The following GPC6 variants were observed in gnomAD, a reference collection of about 807,000 sequenced individuals.
GPC6 encodes the protein glypican-6.
Under a neutral mutation model 55.2 loss-of-function variants are expected in GPC6, and 14 were observed. The observed-to-expected ratio is 0.25, with a 90% CI of 0.17 to 0.40. The LOEUF (loss-of-function observed/expected upper bound fraction) is 0.40, where lower values mean the gene tolerates loss of function less well. GPC6 is among the 10% of genes least tolerant of loss of function. GPC6 has a pLI of 1.00. For synonymous variants in GPC6, 278 were observed against 259.6 expected (o/e 1.07, Z -0.68); for missense variants, 641 against 708.5 (o/e 0.90, Z 1.08).
intron 1 of GPC6, among the ~76,000 whole-genome samples, chr13:93,419,222 T>C (rs905947691): frequency 1.3e-5 from 2 of 151,624 alleles, no homozygotes; most frequent in Non-Finnish European, 2.9e-5. Context: ...AAAATGGGAC[T>C]ATAAGAATAA....
In GPC6 at chr13:93,861,342, A is replaced by G. The variant is rs77116260; in HGVS notation, c.711+30797A>G. Among the ~76,000 whole-genome samples, 608 of 151,614 alleles carry G rather than the reference A, an allele frequency of 4.0e-3. 4 individuals carry two copies. Among genetic ancestry groups the G allele is most frequent in the African/African-American group, 0.014 (561 of 41,442 alleles). ...AGACATTCATTTCAAAATGCAGACA[A>G]AAGTATGTATAATTTTGGACAGTGT... On this transcript the variant is annotated intron_variant, in intron 3 of 8. Coordinates refer to ENST00000377047, the MANE Select transcript of GPC6 (RefSeq NM_005708.5).
At chr13:93,770,157 C>T in intron 2 of GPC6, among the ~76,000 whole-genome samples, 1 of 152,056 alleles carries the variant, frequency 6.6e-6, no homozygotes, top group Non-Finnish European at 1.5e-5. Flanking sequence ...CATACAACCC[C>T]CACTTTTATG....
At chr13:93,954,266 A>T (rs1879395899) in intron 3 of GPC6, among the ~76,000 whole-genome samples, 1 of 152,220 alleles carries the variant, frequency 6.6e-6, no homozygotes, top group Admixed American at 6.5e-5. Flanking sequence ...AAGTGTATAT[A>T]TATTATAAAA....
intron 3 of GPC6, among the ~76,000 whole-genome samples, chr13:93,845,030 C>A (rs1888117834): frequency 6.6e-6 from 1 of 151,916 alleles, no homozygotes; most frequent in Non-Finnish European, 1.5e-5. Context: ...CAGTACCATG[C>A]TGTTTTGGTT....
intron 1 of GPC6, among the ~76,000 whole-genome samples, chr13:93,526,891 A>G (rs573627401): frequency 2.6e-5 from 4 of 152,254 alleles, no homozygotes; most frequent in African/African-American, 4.8e-5. Flanking sequence ...TTCCAGCAGT[A>G]TCATAGGATG....
chr13:94,031,016 G>A (rs1379743457), intron 4 of GPC6, among the ~76,000 whole-genome samples: 1 of 152,020 alleles, frequency 6.6e-6, no homozygotes, highest in Non-Finnish European at 1.5e-5. Flanking sequence ...GGGTGTGTGT[G>A]CGTGTGTGCA....
chr13:93,729,886 C>T lies in GPC6; in HGVS notation c.320-100268C>T, dbSNP rs979751789. ...ATGCAAGAAGAGAAAAAAATGGATA[C>T]ATCTCATAAACAATGGCAAATACAA... is the stretch of plus-strand genomic sequence containing the variant. On this transcript the variant is annotated intron_variant, in intron 2 of 8. Transcript: ENST00000377047. 2.6e-5 allele frequency among the ~76,000 whole-genome samples: 4 copies of T among 152,248 alleles called. No homozygotes were observed. The South Asian group carries it at 8.3e-4, about 32-fold the overall frequency.
intron 2 of GPC6, among the ~76,000 whole-genome samples, chr13:93,824,672 A>G (rs1190682049): frequency 6.6e-6 from 1 of 152,076 alleles, no homozygotes; most frequent in East Asian, 1.9e-4. Flanking sequence ...ATGAATATTT[A>G]TATGTGTATA....
At chr13:93,387,477 C>T (rs12877939) in intron 1 of GPC6, among the ~76,000 whole-genome samples, 6,421 of 152,320 alleles carry the variant, frequency 0.042, 184 homozygotes, top group Non-Finnish European at 0.057. Flanking sequence ...CTTCCAACTT[C>T]ATCCATGTCC....
chr13:93,908,261 G>T (rs1876777285), intron 3 of GPC6, among the ~76,000 whole-genome samples: 2 of 152,158 alleles, frequency 1.3e-5, no homozygotes, highest in South Asian at 2.1e-4. Context: ...GGAATAAATT[G>T]CAGACTTCAT....
intron 1 of GPC6, among the ~76,000 whole-genome samples, chr13:93,279,015 A>G (rs1217320971): frequency 6.6e-6 from 1 of 152,252 alleles, no homozygotes; most frequent in Non-Finnish European, 1.5e-5. Context: ...AAAAGACGAA[A>G]TATGATATAT....
rs200925732 is a variant in GPC6 at position 93,855,096 on chromosome 13, G to A, written c.711+24551G>A. Among the ~76,000 whole-genome samples, 5 of 151,646 alleles carry A rather than the reference G, an allele frequency of 3.3e-5. No homozygotes were observed. The East Asian group carries it at 9.8e-4, about 30-fold the overall frequency. On this transcript the variant is annotated intron_variant, in intron 3 of 8. Coordinates refer to ENST00000377047, the MANE Select transcript of GPC6 (RefSeq NM_005708.5). Reference sequence around the variant, plus strand: ...TTGTGTTGTACATTTTGTAGGTTTGGACAAACATCTAATAACATGTGTTCA... The same window carrying A: ...TTGTGTTGTACATTTTGTAGGTTTGAACAAACATCTAATAACATGTGTTCA...
chr13:93,991,928 G>A (rs1481603236), intron 3 of GPC6, among the ~76,000 whole-genome samples: 1 of 151,856 alleles, frequency 6.6e-6, no homozygotes, highest in South Asian at 2.1e-4. Context: ...CTGTACATAA[G>A]TCCTAGAACT....
chr13:93,546,417 G>C lies in GPC6; in HGVS notation c.319+996G>C, dbSNP rs560093525. On this transcript the variant is annotated intron_variant, in intron 2 of 8. Transcript: ENST00000377047. ...TGTTTTAAACTATTACAGCAACACT[G>C]ATCTTTTTCAAATTGGTTCTCAAAG... is the stretch of plus-strand genomic sequence containing the variant. Among the ~76,000 whole-genome samples the C allele has an allele frequency of 4.6e-4, 70 of 152,268 alleles. 1 individual carries two copies. Among genetic ancestry groups the C allele is most frequent in the Middle Eastern group, 6.8e-3 (2 of 294 alleles).
At chr13:93,261,468 A>G (rs1400053663) in intron 1 of GPC6, among the ~76,000 whole-genome samples, 1 of 152,190 alleles carries the variant, frequency 6.6e-6, no homozygotes, top group Non-Finnish European at 1.5e-5. Flanking sequence ...ATTTACTTGA[A>G]ACAGCTGGGT....
In GPC6 at chr13:94,340,885, T is replaced by C. The variant is rs367864213; in HGVS notation, c.1152+34762T>C. Among the ~76,000 whole-genome samples the C allele has an allele frequency of 8.5e-5, 13 of 152,380 alleles. No individual in the cohort carries two copies. The East Asian group carries it at 2.5e-3, about 29-fold the overall frequency. On this transcript the variant is annotated intron_variant, in intron 6 of 8. Coordinates refer to ENST00000377047, the MANE Select transcript of GPC6 (RefSeq NM_005708.5). ...TTTTAATATGCGCCCCTTGCTAACA[T>C]TACCAAATCATATTAAAAGTATTTA... is the stretch of plus-strand genomic sequence containing the variant.
chr13:93,448,971 T>C (rs1308522240), intron 1 of GPC6, among the ~76,000 whole-genome samples: 1 of 152,194 alleles, frequency 6.6e-6, no homozygotes, highest in Non-Finnish European at 1.5e-5. Flanking sequence ...CTACTACATA[T>C]AGAAAGGTAC....
At position 94,234,137 on chromosome 13, in the gene GPC6, C is replaced by T. The variant is rs186607781; in HGVS notation, c.878-52212C>T. ...TCATTTCCCCTGCAATGCTGGGAGACAGAAGAGACATCTGGGGAAACCGAG... is the reference window on the plus strand; with the variant it reads ...TCATTTCCCCTGCAATGCTGGGAGATAGAAGAGACATCTGGGGAAACCGAG... On this transcript the variant is annotated intron_variant, in intron 4 of 8. Coordinates refer to ENST00000377047, the MANE Select transcript of GPC6 (RefSeq NM_005708.5). Among the ~76,000 whole-genome samples, 10 of 152,138 alleles carry T rather than the reference C, an allele frequency of 6.6e-5. No homozygotes were observed. In the East Asian group the frequency reaches 1.7e-3, roughly 26 times the overall value.
In GPC6 at chr13:93,274,335, G is replaced by T. The variant is rs930459514; in HGVS notation, c.160+46719G>T. Among the ~76,000 whole-genome samples the T allele has an allele frequency of 5.3e-5, 8 of 152,224 alleles. No homozygotes were observed. In the East Asian group the frequency reaches 1.5e-3, roughly 29 times the overall value. On this transcript the variant is annotated intron_variant, in intron 1 of 8. Transcript: ENST00000377047. ...AATGTGTCATTGGGGGAATGTGGTA[G>T]GTTCATTCGGAAAGTGATATGAATG... is the stretch of plus-strand genomic sequence containing the variant.
Sources: gnomAD v4.1 joint callset for allele counts (sites outside exome capture counted in the v4.1 genomes callset) on GRCh38, gnomAD v4.1.1 for gene constraint, MANE v1.5 for transcripts, NCBI Gene and HGNC (gene_info 2026-07-23, HGNC 2026-07-21) for gene names.